The following PRORP variants were observed in gnomAD, a reference collection of about 807,000 sequenced individuals.
The protein encoded by PRORP is protein only RNase P catalytic subunit, also known as mitochondrial ribonuclease P catalytic subunit.
In PRORP, 51 loss-of-function variants were observed where a neutral mutation model predicts 59.4. The ratio of observed to expected loss-of-function variants is 0.86; its 90% CI spans 0.69 to 1.08. The LOEUF (loss-of-function observed/expected upper bound fraction) is 1.08. Among genes scored for constraint, PRORP ranks in the 50% least tolerant of loss-of-function variants. The pLI is 0.00. For missense variants in PRORP, 646 were observed against 690.3 expected (o/e 0.94, Z 0.72); for synonymous variants, 231 against 245.6 (o/e 0.94, Z 0.55).
intron 7 of PRORP, among the ~76,000 whole-genome samples, chr14:35,270,800 G>A (rs929002587): frequency 1.3e-5 from 2 of 152,040 alleles, no homozygotes; most frequent in African/African-American, 4.8e-5. Context: ...AAAACACTTA[G>A]GGGCCAGGCG....
intron 5 of PRORP, among the ~76,000 whole-genome samples, chr14:35,253,463 G>A (rs1422885964): frequency 7.2e-5 from 11 of 151,982 alleles, no homozygotes; most frequent in South Asian, 2.1e-4. Context: ...TTCTCCCTTC[G>A]CAGTGAAGCT....
rs547374200 is a variant in PRORP at position 35,238,588 on chromosome 14, A to G, written c.1276-28139A>G. On this transcript the variant is annotated intron_variant, in intron 5 of 7. Transcript: ENST00000534898. ...AATGTGCTTAAAGGAATGAAAGTCT[A>G]GGACTTTGGGAAAAATATGTCAACT... is the stretch of plus-strand genomic sequence containing the variant. Among the ~76,000 whole-genome samples, 4 of 152,360 alleles carry G rather than the reference A, an allele frequency of 2.6e-5. No individual in the cohort carries two copies. In the East Asian group the frequency reaches 7.7e-4, roughly 29 times the overall value.
intron 5 of PRORP, among the ~76,000 whole-genome samples, chr14:35,223,608 C>T (rs1169610207): frequency 1.3e-5 from 2 of 151,846 alleles, no homozygotes; most frequent in African/African-American, 2.4e-5. Flanking sequence ...TACAGGTGCG[C>T]GCCACTGCGC....
chr14:35,158,925 A>G, intron 4 of PRORP: 1 of 324,830 alleles, frequency 3.1e-6, no homozygotes, highest in Non-Finnish European at 5.9e-6. Flanking sequence ...CCACCACCGT[A>G]AGTGTGAATT....
At chr14:35,231,918 T>C (rs990238081) in intron 5 of PRORP, among the ~76,000 whole-genome samples, 6 of 152,244 alleles carry the variant, frequency 3.9e-5, no homozygotes, top group Admixed American at 3.3e-4. Flanking sequence ...TTATGAACTT[T>C]ATTATATACA....
chr14:35,180,768 A>T lies in PRORP; in HGVS notation c.1266A>T (p.Glu422Asp). 1 of 1,596,124 alleles carries T rather than the reference A, an allele frequency of 6.3e-7. No homozygotes were observed. Among genetic ancestry groups the T allele is most frequent in the East Asian group, 2.2e-5 (1 of 44,784 alleles). ...NVAKMFPKVR[E>D]SQLLLNVVSQ... ...CCAAAATGTTTCCTAAAGTTCGTGA[A>T]TCTCAACTTGTAAGTATAAGTTTTA... Residue 422 changes from glutamate (E) to aspartate (D), a missense_variant, in exon 5 of 8, where the codon GAA becomes GAT. Transcript: ENST00000534898.
At chr14:35,244,221 G>A (rs1440772435) in intron 5 of PRORP, among the ~76,000 whole-genome samples, 2 of 152,152 alleles carry the variant, frequency 1.3e-5, no homozygotes, top group African/African-American at 4.8e-5. Context: ...TTGAACTATA[G>A]TTATGTTAAT....
chr14:35,148,173 A>G (rs1370015372), intron 4 of PRORP, among the ~76,000 whole-genome samples: 2 of 152,256 alleles, frequency 1.3e-5, no homozygotes, highest in East Asian at 3.8e-4. Context: ...AATCCTTTCC[A>G]GAAAGTTTTC....
chr14:35,254,552 G>A (rs146237399), intron 5 of PRORP, among the ~76,000 whole-genome samples: 44 of 152,036 alleles, frequency 2.9e-4, no homozygotes, highest in Non-Finnish European at 2.1e-4. Context: ...GCCACCACTC[G>A]CAGCTAATTT....
At chr14:35,260,038 GT>G (rs2050864663) in intron 5 of PRORP, among the ~76,000 whole-genome samples, 1 of 139,334 alleles carries the variant, frequency 7.2e-6, no homozygotes, top group Non-Finnish European at 1.5e-5. Context: ...TCCAGATAGG[GT>G]TTCACTCTGT....
At chr14:35,237,006 A>G (rs1443287955) in intron 5 of PRORP, among the ~76,000 whole-genome samples, 4 of 83,864 alleles carry the variant, frequency 4.8e-5, no homozygotes, top group Non-Finnish European at 9.8e-5. Flanking sequence ...TCCCTCCTTC[A>G]CTCCTTCCTT....
At chr14:35,195,553 T>TA (rs2048987907) in intron 5 of PRORP, among the ~76,000 whole-genome samples, 1 of 152,158 alleles carries the variant, frequency 6.6e-6, no homozygotes, top group South Asian at 2.1e-4. Context: ...TTTTTACAAA[T>TA]ACTTTTTCTA....
chr14:35,173,447 G>T (rs1376987229), intron 4 of PRORP, among the ~76,000 whole-genome samples: 1 of 152,020 alleles, frequency 6.6e-6, no homozygotes, highest in African/African-American at 2.4e-5. Context: ...TTGCTTTTTT[G>T]CTGGGCTTCT....
At chr14:35,149,399 G>T (rs1168334926) in intron 4 of PRORP, among the ~76,000 whole-genome samples, 2 of 152,040 alleles carry the variant, frequency 1.3e-5, no homozygotes, top group African/African-American at 4.8e-5. Flanking sequence ...TTTTTGTAGA[G>T]ATAGGATCTT....
intron 5 of PRORP, among the ~76,000 whole-genome samples, chr14:35,236,494 A>G (rs939978974): frequency 6.6e-6 from 1 of 152,180 alleles, no homozygotes; most frequent in Non-Finnish European, 1.5e-5. Flanking sequence ...CCATCATTGC[A>G]TTGAAAATGC....
At chr14:35,174,846 A>C in intron 4 of PRORP, among the ~76,000 whole-genome samples, 1 of 148,590 alleles carries the variant, frequency 6.7e-6, no homozygotes, top group African/African-American at 2.5e-5. Flanking sequence ...GCACCCGTTA[A>C]CTCGTCATTT....
At chr14:35,265,009 T>A (rs527659351) in intron 5 of PRORP, among the ~76,000 whole-genome samples, 41 of 152,026 alleles carry the variant, frequency 2.7e-4, no homozygotes, top group African/African-American at 8.9e-4. Flanking sequence ...AATAAATAAA[T>A]AAAAAATAAA....
In PRORP at chr14:35,270,856, G is replaced by A. The variant is rs867164853; in HGVS notation, c.1620+260G>A. Among the ~76,000 whole-genome samples, 4 of 152,102 alleles carry A rather than the reference G, an allele frequency of 2.6e-5. No individual in the cohort carries two copies. In the East Asian group the frequency reaches 5.9e-4, roughly 22 times the overall value. On this transcript the variant is annotated intron_variant, in intron 7 of 7. Coordinates refer to ENST00000534898, the MANE Select transcript of PRORP (RefSeq NM_014672.4). Reference sequence around the variant, plus strand: ...CCCAGCACTTTGGGAGGCCGAGGTGGGCAAATCATGAGGTCAGGAGATCGA... The same window carrying A: ...CCCAGCACTTTGGGAGGCCGAGGTGAGCAAATCATGAGGTCAGGAGATCGA...
At chr14:35,186,412 A>G (rs1415720021) in intron 5 of PRORP, among the ~76,000 whole-genome samples, 6 of 151,766 alleles carry the variant, frequency 4.0e-5, no homozygotes, top group African/African-American at 9.7e-5. Flanking sequence ...TTTAAAGTGC[A>G]CAATTCAGTG....
Sources: allele counts gnomAD v4.1 joint callset (sites outside exome capture counted in the v4.1 genomes callset), GRCh38; gene constraint gnomAD v4.1.1; transcripts MANE v1.5; gene names NCBI Gene and HGNC (gene_info 2026-07-23, HGNC 2026-07-21).